Variants in PNPLA1 observed in about 807,000 individuals in gnomAD.
The protein encoded by PNPLA1 is omega-hydroxyceramide transacylase.
PNPLA1 carries 36 observed loss-of-function variants against 51.7 expected under a neutral mutation model. The ratio of observed to expected loss-of-function variants is 0.70; its 90% CI spans 0.53 to 0.92. The LOEUF is 0.92. Among genes scored for constraint, PNPLA1 ranks in the 40% least tolerant of loss-of-function variants. The pLI, the probability that PNPLA1 is intolerant of heterozygous loss-of-function variation, is 0.00. For missense variants in PNPLA1, 658 were observed against 682.5 expected, an observed-to-expected ratio of 0.96 and a Z score of 0.40; for synonymous variants, 293 against 280.1, an observed-to-expected ratio of 1.05 and a Z score of -0.46.
At chr6:36,252,434 G>A (rs1437759107) in intron 1 of PNPLA1, among the ~76,000 whole-genome samples, 1 of 152,076 alleles carries the variant, frequency 6.6e-6, no homozygotes, top group Non-Finnish European at 1.5e-5. Context: ...TTCACGGAGG[G>A]GACAGAGAGG....
rs137966238 is a variant in PNPLA1 at position 36,281,241 on chromosome 6, C to A, written c.206-10079C>A. On this transcript the variant is annotated intron_variant, in intron 1 of 8. Transcript: ENST00000636260. ...GTGGGTGAGTGTGAGTGGGTGTGTA[C>A]GTGTATATGTTGCCCAGATGTAACT... Among the ~76,000 whole-genome samples the A allele has an allele frequency of 6.6e-5, 10 of 152,188 alleles. No homozygotes were observed. The East Asian group carries it at 1.2e-3, about 18-fold the overall frequency.
At chr6:36,278,917 A>G (rs1211307865) in intron 1 of PNPLA1, among the ~76,000 whole-genome samples, 2 of 152,204 alleles carry the variant, frequency 1.3e-5, no homozygotes, top group Non-Finnish European at 2.9e-5. Context: ...AGCATATAAA[A>G]AAGGTCAGCA....
upstream of PNPLA1, among the ~76,000 whole-genome samples, chr6:36,268,769 T>C (rs1305971865): frequency 6.6e-6 from 1 of 152,240 alleles, no homozygotes; most frequent in Admixed American, 6.5e-5. Context: ...GATTTGGGGA[T>C]GGAGCTTCTG....
intron 5 of PNPLA1, among the ~76,000 whole-genome samples, chr6:36,298,574 C>G (rs1266657394): frequency 6.6e-6 from 1 of 152,218 alleles, no homozygotes; most frequent in African/African-American, 2.4e-5. Flanking sequence ...TTCTCCTCCT[C>G]CAGCCCCCAG....
intron 1 of PNPLA1, among the ~76,000 whole-genome samples, chr6:36,271,007 C>A (rs1311734379): frequency 6.6e-6 from 1 of 152,176 alleles, no homozygotes; most frequent in African/African-American, 2.4e-5. Context: ...CACCACGGCA[C>A]AGTCATACAT....
upstream of PNPLA1, among the ~76,000 whole-genome samples, chr6:36,268,798 G>A (rs898884295): frequency 6.6e-6 from 1 of 152,260 alleles, no homozygotes; most frequent in East Asian, 1.9e-4. Context: ...TGTCCCCCAG[G>A]GCCCCGACAC....
In PNPLA1 at chr6:36,302,366, G is replaced by A. The variant is rs942900446; in HGVS notation, c.1281G>A (p.Leu427=). 8.7e-6 allele frequency: 14 copies of A among 1,608,214 alleles called. No homozygotes were observed. The highest frequency in any genetic ancestry group is 1.2e-5 in the Non-Finnish European group (14 of 1,176,190). Reference sequence around the variant, plus strand: ...CACCCACTTCACCCAGGCCATCCCTGGGGCCTTCAACTGTGGGGGCACCTC... The same window carrying A: ...CACCCACTTCACCCAGGCCATCCCTAGGGCCTTCAACTGTGGGGGCACCTC... The part of the protein sequence containing the change: ...SQAPTSPRPS[L]GPSTVGAPQT... The change falls in exon 6 of 9, where the codon CTG becomes CTA. Residue 427 remains leucine, a synonymous_variant. Coordinates refer to ENST00000636260, the MANE Select transcript of PNPLA1 (RefSeq NM_001374623.1).
chr6:36,248,043 G>C (rs184556501), intron 1 of PNPLA1, among the ~76,000 whole-genome samples: 1 of 152,064 alleles, frequency 6.6e-6, no homozygotes, highest in East Asian at 1.9e-4. Context: ...CTCCAGTCCC[G>C]GGCTCATCTG....
At chr6:36,301,247 G>C (rs2127351333) in intron 5 of PNPLA1, among the ~76,000 whole-genome samples, 1 of 152,054 alleles carries the variant, frequency 6.6e-6, no homozygotes, top group East Asian at 1.9e-4. Flanking sequence ...TTCTCAATGA[G>C]TCTTACAGCC....
chr6:36,257,961 C>T (rs1004104937), intron 1 of PNPLA1, among the ~76,000 whole-genome samples: 2 of 152,112 alleles, frequency 1.3e-5, no homozygotes, highest in South Asian at 4.1e-4. Flanking sequence ...AATGCTCTTC[C>T]CTCTGATGAA....
upstream of PNPLA1, among the ~76,000 whole-genome samples, chr6:36,269,236 T>C (rs2127323185): frequency 6.6e-6 from 1 of 152,342 alleles, no homozygotes; most frequent in African/African-American, 2.4e-5. Context: ...TCTGGTCCTG[T>C]TGCTGTGTGG....
rs1770083721 is a variant in PNPLA1, at chr6:36,275,976, T to TCTTTCTTTC, written c.205+5312_205+5313insCTTTCTTTC. ...TCTTTCTTTCTTTCTTTCTTTCTTT[T>TCTTTCTTTC]GAGACAGAGTCTCGCTCTGTTGCCC... On this transcript the variant is annotated intron_variant, in intron 1 of 8. Transcript: ENST00000636260. 4.4e-3 allele frequency among the ~76,000 whole-genome samples: 598 copies of TCTTTCTTTC among 135,822 alleles called. 3 individuals carry two copies. Among genetic ancestry groups the TCTTTCTTTC allele is most frequent in the African/African-American group, 0.014 (489 of 34,220 alleles). 89.1% of individuals were successfully genotyped at this position (135,822 alleles called of 152,430 possible).
chr6:36,304,745 C>T (rs1309422411), intron 6 of PNPLA1, among the ~76,000 whole-genome samples: 1 of 151,900 alleles, frequency 6.6e-6, no homozygotes, highest in African/African-American at 2.4e-5. Context: ...TGCATGAAGG[C>T]GGCCATCTTC....
In PNPLA1 at chr6:36,294,381, G is replaced by A; in HGVS notation, c.696G>A (p.Leu232=). Residue 232 remains leucine, a synonymous_variant, in exon 4 of 9, where the codon TTG becomes TTA. Coordinates refer to ENST00000636260, the MANE Select transcript of PNPLA1 (RefSeq NM_001374623.1). This position sits in a 1 kb window ranked among gnomAD's most constrained non-coding sequence, Gnocchi z 4.2. ...ACATCGCCAGGATGACCCACGCATT[G>A]TTCCCCCCGGACCTGGTGGTGAGAG... The part of the protein sequence containing the change: ...LENIARMTHA[L]FPPDLVILHD... 1 of 1,614,092 alleles carries A rather than the reference G, an allele frequency of 6.2e-7. No homozygotes were observed.
At chr6:36,283,620 C>A (rs1770386773) in intron 1 of PNPLA1, among the ~76,000 whole-genome samples, 1 of 152,060 alleles carries the variant, frequency 6.6e-6, no homozygotes, top group Non-Finnish European at 1.5e-5. Context: ...TGTAGTGAGA[C>A]CCTATCTCTA....
At position 36,302,387 on chromosome 6, in the gene PNPLA1, A is replaced by T. The variant is rs1771088562; in HGVS notation, c.1302A>T (p.Ala434=). The change falls in exon 6 of 9, where the codon GCA becomes GCT. Residue 434 remains alanine, a synonymous_variant. Transcript: ENST00000636260. ...RPSLGPSTVG[A]PQTLPRSSLS... is the part of the protein sequence containing the mutation. ...CCCTGGGGCCTTCAACTGTGGGGGCACCTCAAACACTGCCCCGAAGTTCTC... is the reference window on the plus strand; with the variant it reads ...CCCTGGGGCCTTCAACTGTGGGGGCTCCTCAAACACTGCCCCGAAGTTCTC... 1.3e-6 allele frequency: 2 copies of T among 1,596,756 alleles called. No homozygotes were observed. Among genetic ancestry groups the T allele is most frequent in the African/African-American group, 1.3e-5 (1 of 74,666 alleles).
intron 1 of PNPLA1, among the ~76,000 whole-genome samples, chr6:36,280,439 A>G (rs1770244732): frequency 6.6e-6 from 1 of 152,228 alleles, no homozygotes; most frequent in South Asian, 2.1e-4. Flanking sequence ...GGTTGTATCA[A>G]TTCAAGCTCT....
At chr6:36,261,161 T>C (rs1394105573) in intron 1 of PNPLA1, among the ~76,000 whole-genome samples, 3 of 152,234 alleles carry the variant, frequency 2.0e-5, no homozygotes, top group Non-Finnish European at 4.4e-5. Context: ...TTAATGATTG[T>C]TCAGTTTTGT....
At chr6:36,246,445 G>A (rs1395224696) in intron 1 of PNPLA1, among the ~76,000 whole-genome samples, 8 of 152,040 alleles carry the variant, frequency 5.3e-5, no homozygotes, top group Admixed American at 4.6e-4. Context: ...CAAGTGATCC[G>A]CCCACCTTGG....
Sources: allele counts gnomAD v4.1 joint callset (sites outside exome capture counted in the v4.1 genomes callset), GRCh38; gene constraint gnomAD v4.1.1; non-coding constraint Gnocchi (gnomAD v3.1); transcripts MANE v1.5; gene names NCBI Gene and HGNC (gene_info 2026-07-23, HGNC 2026-07-21).